The following RFX7 variants were observed in gnomAD, a reference collection of about 807,000 sequenced individuals.
RFX7 encodes DNA-binding protein RFX7.
Under a neutral mutation model 111.8 loss-of-function variants are expected in RFX7, and 26 were observed. That is an observed-to-expected ratio of 0.23 (90% CI 0.17 to 0.32). The LOEUF (loss-of-function observed/expected upper bound fraction) is 0.32, where lower values mean the gene tolerates loss of function less well. Among genes scored for constraint, RFX7 ranks in the 10% least tolerant of loss-of-function variants. The pLI is 1.00. For synonymous variants in RFX7, 624 were observed against 624.4 expected (o/e 1.00, Z 0.01); for missense variants, 1,573 against 1,772.9 (o/e 0.89, Z 2.02).
intron 3 of RFX7, among the ~76,000 whole-genome samples, chr15:56,157,760 A>G (rs1184293098): frequency 3.3e-5 from 5 of 152,124 alleles, no homozygotes; most frequent in African/African-American, 1.2e-4. Context: ...TTGTATTTTT[A>G]GTAGAGATGG....
rs576201076 is a variant in RFX7 at position 56,154,918 on chromosome 15, T to G, written c.196-10435A>C. Among the ~76,000 whole-genome samples the G allele has an allele frequency of 3.2e-3, 487 of 151,544 alleles. 1 individual carries two copies. Among genetic ancestry groups the G allele is most frequent in the African/African-American group, 4.7e-3 (196 of 41,354 alleles). ...GACTAATATCCAGAAACAAAGAACT[T>G]AAACAAACTTACAAGAAAAAAAACA... On this transcript the variant is annotated intron_variant, in intron 3 of 9. Transcript: ENST00000559447.
At chr15:56,164,232 CAAACA>C (rs1169807769) in intron 3 of RFX7, among the ~76,000 whole-genome samples, 3 of 152,108 alleles carry the variant, frequency 2.0e-5, no homozygotes, top group Non-Finnish European at 4.4e-5. Context: ...CAGTGTGGGC[CAAACA>C]AAACAATTTT....
At chr15:56,239,228 ATG>A (rs2043659387) in intron 2 of RFX7, among the ~76,000 whole-genome samples, 1 of 152,124 alleles carries the variant, frequency 6.6e-6, no homozygotes, top group South Asian at 2.1e-4. Context: ...AAATTCATTT[ATG>A]TTTCATATAC....
At chr15:56,190,988 A>G (rs2043094877) in intron 2 of RFX7, among the ~76,000 whole-genome samples, 1 of 152,228 alleles carries the variant, frequency 6.6e-6, no homozygotes, top group Non-Finnish European at 1.5e-5. Context: ...CATCTTAGAA[A>G]TTAAATCTAT....
intron 8 of RFX7, among the ~76,000 whole-genome samples, chr15:56,099,678 G>A (rs1271304423): frequency 2.0e-5 from 3 of 151,888 alleles, no homozygotes; most frequent in Non-Finnish European, 4.4e-5. Context: ...GTCTACTATC[G>A]AAGGTCTTTT....
chr15:56,170,603 C>A (rs751948727), intron 3 of RFX7, among the ~76,000 whole-genome samples: 2 of 152,006 alleles, frequency 1.3e-5, no homozygotes. Context: ...AAGCACTGTT[C>A]GAGATCTCTG....
chr15:56,243,415 G>C (rs1159466723), intron 1 of RFX7, 30 bp downstream of exon 1: 2 of 1,114,862 alleles, frequency 1.8e-6, no homozygotes, highest in Non-Finnish European at 2.2e-6. Context: ...AGGAGGAGGA[G>C]GAAGGAAGCT....
At chr15:56,154,331 C>T (rs942270624) in intron 3 of RFX7, among the ~76,000 whole-genome samples, 2 of 152,114 alleles carry the variant, frequency 1.3e-5, no homozygotes, top group East Asian at 1.9e-4. Context: ...CAAGACAATC[C>T]GGGGCAGGAA....
intron 5 of RFX7, among the ~76,000 whole-genome samples, chr15:56,139,951 C>G (rs2042364311): frequency 6.6e-6 from 1 of 152,224 alleles, no homozygotes; most frequent in African/African-American, 2.4e-5. Context: ...CAGGGACCCA[C>G]TTGAGGAGGC....
chr15:56,094,014 G>A lies in RFX7; in HGVS notation c.3714C>T (p.Asn1238=), dbSNP rs571495342. ...LTVMMQTAFP[N]ALQKQANSKK... ...TACTGTTTGCTTGCTTCTGAAGAGC[G>A]TTTGGGAAGGCTGTCTGCATCATGA... Residue 1238 remains asparagine (N), a synonymous_variant, in exon 10 of 10, where the codon AAC becomes AAT. Transcript: ENST00000559447. 3.0e-5 allele frequency: 49 copies of A among 1,613,842 alleles called. No homozygotes were observed. Among genetic ancestry groups the A allele is most frequent in the Non-Finnish European group, 3.8e-5 (45 of 1,179,868 alleles).
rs1349718028 is a variant in RFX7, at chr15:56,135,004, C to T, written c.401+7774G>A. Among the ~76,000 whole-genome samples, 208 of 148,872 alleles carry T rather than the reference C, an allele frequency of 1.4e-3. 1 individual carries two copies. Among genetic ancestry groups the T allele is most frequent in the Non-Finnish European group, 1.8e-3 (122 of 67,128 alleles). On this transcript the variant is annotated intron_variant, in intron 5 of 9. Transcript: ENST00000559447. ...GTATATGTGCCACATTTTCTTAATCCGGTCTATCATTGTTGGACATTTGGG... is the reference window on the plus strand; with the variant it reads ...GTATATGTGCCACATTTTCTTAATCTGGTCTATCATTGTTGGACATTTGGG...
intron 4 of RFX7, among the ~76,000 whole-genome samples, chr15:56,143,104 C>T (rs1403944950): frequency 2.0e-5 from 3 of 152,078 alleles, no homozygotes; most frequent in Non-Finnish European, 2.9e-5. Flanking sequence ...TACTGCCCTG[C>T]TCCATCCCTC....
chr15:56,177,966 T>C (rs1183825451), intron 3 of RFX7, among the ~76,000 whole-genome samples: 4 of 152,058 alleles, frequency 2.6e-5, no homozygotes, highest in Non-Finnish European at 5.9e-5. Flanking sequence ...ACTAAATTTC[T>C]TAAGGGCATG....
chr15:56,108,681 T>C (rs978632587), intron 5 of RFX7, among the ~76,000 whole-genome samples: 5 of 152,142 alleles, frequency 3.3e-5, no homozygotes, highest in African/African-American at 9.7e-5. Flanking sequence ...AACATAGTAC[T>C]GGAAGTTCTG....
chr15:56,103,349 A>T (rs1452550701), intron 6 of RFX7, among the ~76,000 whole-genome samples: 1 of 152,290 alleles, frequency 6.6e-6, no homozygotes, highest in South Asian at 2.1e-4. Context: ...ATTCTAATCT[A>T]TGAATAAACC....
chr15:56,203,953 T>C (rs1029120611), intron 2 of RFX7, among the ~76,000 whole-genome samples: 5 of 152,144 alleles, frequency 3.3e-5, no homozygotes, highest in African/African-American at 1.2e-4. Flanking sequence ...CCCTGAATTA[T>C]TTCTTGCATT....
rs58795247 is a variant in RFX7, at chr15:56,224,467, TTGTG to T, written c.161+18654_161+18657del. The stretch of plus-strand genomic sequence containing the variant: ...ACTCTCTTTTGCCAAGATTAGGATT[TTGTG>T]TGTGTGTGTGTGTGTGTGTGTGTGC... On this transcript the variant is annotated intron_variant, in intron 2 of 9. Transcript: ENST00000559447. Among the ~76,000 whole-genome samples, 9 of 147,304 alleles carry T rather than the reference TTGTG, an allele frequency of 6.1e-5. No homozygotes were observed. The South Asian group carries it at 8.8e-4, about 14-fold the overall frequency.
upstream of RFX7, chr15:56,244,052 G>A (rs1437642547): frequency 2.0e-5 from 3 of 151,430 alleles, no homozygotes; most frequent in African/African-American, 2.4e-5. Flanking sequence ...AGTCCGGCCC[G>A]GCTGGTGGAG....
At chr15:56,141,656 A>AATAC (rs1555421060) in intron 5 of RFX7, among the ~76,000 whole-genome samples, 1 of 83,210 alleles carries the variant, frequency 1.2e-5, no homozygotes, top group Admixed American at 1.3e-4. Flanking sequence ...GCTTACTCTA[A>AATAC]ATATATATAT....
Sources: allele counts gnomAD v4.1 joint callset (sites outside exome capture counted in the v4.1 genomes callset), GRCh38; gene constraint gnomAD v4.1.1; transcripts MANE v1.5; gene names NCBI Gene and HGNC (gene_info 2026-07-23, HGNC 2026-07-21).